Variants in PUDP observed in about 807,000 individuals in gnomAD.
PUDP encodes pseudouridine-5'-phosphatase.
Under a neutral mutation model 9.4 loss-of-function variants are expected in PUDP, and 8 were observed. The ratio of observed to expected loss-of-function variants is 0.85; its 90% CI spans 0.50 to 1.53. The LOEUF (loss-of-function observed/expected upper bound fraction) is 1.53. Ranked by LOEUF, PUDP falls within the 40% of genes most tolerant of loss-of-function variation. PUDP has a pLI of 0.00. For synonymous variants in PUDP, 99 were observed against 80.7 expected (o/e 1.23, Z -1.22); for missense variants, 188 against 189.7 (o/e 0.99, Z 0.05).
At chrX:6,712,689 A>C (rs1363471793) in intron 1 of PUDP, among the ~76,000 whole-genome samples, 2 of 111,473 alleles carry the variant, frequency 1.8e-5, no homozygotes, top group Non-Finnish European at 3.8e-5. Context: ...AGGACTCCAA[A>C]ACTCAAGAAA....
intron 3 of PUDP, among the ~76,000 whole-genome samples, chrX:6,786,803 A>C (rs1453793043): frequency 8.9e-6 from 1 of 112,093 alleles, no homozygotes; most frequent in Non-Finnish European, 1.9e-5. Flanking sequence ...AGTACCTTAT[A>C]AAATATTCCA....
intron 3 of PUDP, among the ~76,000 whole-genome samples, chrX:6,748,758 A>C (rs1249641368): frequency 1.8e-5 from 2 of 112,147 alleles, no homozygotes; most frequent in African/African-American, 3.2e-5. Flanking sequence ...AGAGTAGTAA[A>C]TTCTGAAAGT....
chrX:6,854,803 G>A (rs2146724489), intron 3 of PUDP, among the ~76,000 whole-genome samples: 1 of 109,116 alleles, frequency 9.2e-6, no homozygotes, highest in African/African-American at 3.3e-5. Context: ...AGGAAGAAAA[G>A]GGGTTAGTCT....
At chrX:6,762,965 G>A (rs953298504) in intron 3 of PUDP, among the ~76,000 whole-genome samples, 7 of 112,327 alleles carry the variant, frequency 6.2e-5, no homozygotes, top group Non-Finnish European at 9.4e-5. Context: ...GTGAAATAGC[G>A]TTTGAAAATA....
chrX:7,131,745 C>A (rs1178816719), intron 1 of PUDP, among the ~76,000 whole-genome samples: 1 of 107,768 alleles, frequency 9.3e-6, no homozygotes. Context: ...CACCACCCTT[C>A]TAGACATCGT....
intron 3 of PUDP, among the ~76,000 whole-genome samples, chrX:6,741,747 C>A (rs893946628): frequency 1.8e-5 from 2 of 110,903 alleles, no homozygotes; most frequent in Admixed American, 1.9e-4. Flanking sequence ...ATTTTTATGC[C>A]ATTTTTTCTC....
In PUDP at chrX:6,862,737, G is replaced by T. The variant is rs1280749619; in HGVS notation, c.*247+114396C>A. Among the ~76,000 whole-genome samples, 3 of 111,498 alleles carry T rather than the reference G, an allele frequency of 2.7e-5. No individual in the cohort carries two copies. In the East Asian group the frequency reaches 8.5e-4, roughly 32 times the overall value. Reference sequence around the variant, plus strand: ...GACACCATGGTATGATTTCCAGAAGGTCCTTTCCATGATTACATCTATAGT... The same window carrying T: ...GACACCATGGTATGATTTCCAGAAGTTCCTTTCCATGATTACATCTATAGT... On this transcript the variant is annotated intron_variant and NMD_transcript_variant, in intron 3 of 3. Coordinates refer to the PUDP transcript ENST00000655425.
At chrX:6,758,760 C>A (rs1925197376) in intron 3 of PUDP, among the ~76,000 whole-genome samples, 1 of 111,327 alleles carries the variant, frequency 9.0e-6, no homozygotes, top group Non-Finnish European at 1.9e-5. Context: ...TGCAAGATGG[C>A]AGCCAAATCA....
intron 3 of PUDP, among the ~76,000 whole-genome samples, chrX:6,757,097 T>C (rs1925177512): frequency 9.0e-6 from 1 of 111,559 alleles, no homozygotes; most frequent in South Asian, 3.8e-4. Context: ...TTGAGCAAAG[T>C]GATAAGGATT....
intron 3 of PUDP, among the ~76,000 whole-genome samples, chrX:6,898,782 T>G (rs1927629982): frequency 8.9e-6 from 1 of 112,121 alleles, no homozygotes; most frequent in Admixed American, 9.5e-5. Context: ...TTGATTCTTT[T>G]TTGCCAATCA....
At chrX:6,835,737 G>A (rs1249498842) in intron 3 of PUDP, among the ~76,000 whole-genome samples, 2 of 111,470 alleles carry the variant, frequency 1.8e-5, no homozygotes, top group Non-Finnish European at 3.8e-5. Context: ...TTTTAAGACA[G>A]AGTCTGGCTC....
chrX:6,818,344 G>A (rs1388609226), intron 3 of PUDP, among the ~76,000 whole-genome samples: 1 of 111,499 alleles, frequency 9.0e-6, no homozygotes, highest in African/African-American at 3.3e-5. Context: ...GTCACAGAGG[G>A]GCTGCCATTG....
At chrX:7,011,992 G>GT (rs1929483468) in intron 1 of PUDP, among the ~76,000 whole-genome samples, 1 of 112,502 alleles carries the variant, frequency 8.9e-6, no homozygotes, top group Non-Finnish European at 1.9e-5. Flanking sequence ...TCAAGGAACT[G>GT]TATCAGTTGG....
chrX:6,992,269 C>CTTTTT (rs750888246), intron 1 of PUDP, among the ~76,000 whole-genome samples: 4 of 62,596 alleles, frequency 6.4e-5, no homozygotes, highest in Non-Finnish European at 1.2e-4. Context: ...TTCAGGGTGT[C>CTTTTT]TTTTTTTTTT....
At chrX:6,706,256 G>A (rs894518118) in intron 2 of PUDP, 3 of 112,167 alleles carry the variant, frequency 2.7e-5, no homozygotes, top group Non-Finnish European at 5.6e-5. Flanking sequence ...CTCTGGAAGT[G>A]AATGGGAGTA....
chrX:6,720,105 C>T (rs765636045), intron 1 of PUDP, among the ~76,000 whole-genome samples: 34 of 103,751 alleles, frequency 3.3e-4, no homozygotes, highest in Non-Finnish European at 6.3e-4. Flanking sequence ...TTTATACATA[C>T]ATATATACAT....
At chrX:6,811,615 C>A (rs1225377799) in intron 3 of PUDP, among the ~76,000 whole-genome samples, 1 of 90,280 alleles carries the variant, frequency 1.1e-5, no homozygotes, top group East Asian at 4.1e-4. Flanking sequence ...TGAGCCATCA[C>A]GCCTGGCCTT....
intron 3 of PUDP, among the ~76,000 whole-genome samples, chrX:6,938,928 A>G (rs923125051): frequency 2.9e-4 from 32 of 110,510 alleles, no homozygotes; most frequent in African/African-American, 1.0e-3. Context: ...AATTGGTAAT[A>G]ACTTAAAAAA....
intron 3 of PUDP, among the ~76,000 whole-genome samples, chrX:6,737,584 G>A (rs1924888169): frequency 9.1e-6 from 1 of 109,296 alleles, no homozygotes; most frequent in African/African-American, 3.3e-5. Context: ...CACCCAGAGT[G>A]GCCATGGATG....
Sources: gnomAD v4.1 joint callset for allele counts (sites outside exome capture counted in the v4.1 genomes callset) on GRCh38, gnomAD v4.1.1 for gene constraint, MANE v1.5 for transcripts, NCBI Gene and HGNC (gene_info 2026-07-23, HGNC 2026-07-21) for gene names.